The following SBDS variants were observed in gnomAD, a reference collection of about 807,000 sequenced individuals.
SBDS encodes ribosome maturation protein SBDS.
A neutral mutation model predicts 26.4 loss-of-function variants in SBDS; 20 were observed. The observed-to-expected ratio is 0.76, with a 90% CI of 0.53 to 1.10. The LOEUF (loss-of-function observed/expected upper bound fraction) is 1.10, where lower values mean the gene tolerates loss of function less well. Ranked by LOEUF, SBDS falls within the 50% of genes least tolerant of loss-of-function variation. The probability of loss-of-function intolerance (pLI) is 0.00; values close to 1 mark genes in which losing one functional copy is unlikely to be tolerated. For missense variants in SBDS, 241 were observed against 302.0 expected (o/e 0.80, Z 1.50); for synonymous variants, 95 against 105.1 (o/e 0.90, Z 0.59).
chr7:66,990,472 T>C (rs1792951890), intron 4 of SBDS, among the ~76,000 whole-genome samples: 1 of 152,224 alleles, frequency 6.6e-6, no homozygotes, highest in Non-Finnish European at 1.5e-5. Context: ...AAGCATGCAA[T>C]TGAGCTATCT....
intron 1 of SBDS, 110 bp from the exon 2 acceptor site, chr7:66,994,451 C>A (rs1306897167): frequency 1.3e-5 from 13 of 979,424 alleles, no homozygotes; most frequent in African/African-American, 4.8e-5. Context: ...ACAACAAATC[C>A]CCCTGATGAC....
chr7:66,987,732 C>T lies in SBDS; in HGVS notation c.*639G>A, dbSNP rs1441885887. On this transcript the variant is annotated 3_prime_UTR_variant, in exon 5 of 5. Coordinates refer to ENST00000246868, the MANE Select transcript of SBDS (RefSeq NM_016038.4). ...AACATAAGAGTGGTTTTATTGATTA[C>T]ATACAATTTTAGCTATATTAATATA... is the stretch of plus-strand genomic sequence containing the variant. 1 of 170,168 alleles carries T rather than the reference C, an allele frequency of 5.9e-6. No individual in the cohort carries two copies. The highest frequency in any genetic ancestry group is 1.3e-5 in the Non-Finnish European group (1 of 78,466). The allele number at this position is 170,168 out of a possible 1,614,324, so 10.5% of individuals were successfully genotyped here. A position where few individuals can be genotyped will look rare whatever the true frequency, so the allele number is the denominator to read the frequency against.
In SBDS at chr7:66,994,310, G is replaced by A. The variant is rs140297326; in HGVS notation, c.160C>T (p.His54Tyr). Residue 54 changes from histidine (H) to tyrosine (Y), a missense_variant, in exon 2 of 5, where the codon CAC becomes TAC. By Grantham distance (83) the His-to-Tyr change is moderately conservative. Transcript: ENST00000246868. ...TTAGAAACATTTACAAACACTGAGT[G>A]GGTCTGCAGAACTTCATCGAGGTCT... ...EKDLDEVLQT[H>Y]SVFVNVSKGQ... is the part of the protein sequence containing the mutation. 8 of 1,613,782 alleles carry A rather than the reference G, an allele frequency of 5.0e-6. No homozygotes were observed. Among genetic ancestry groups the A allele is most frequent in the Non-Finnish European group, 5.9e-6 (7 of 1,179,854 alleles).
At chr7:66,993,887 A>G (rs1450562846) in intron 2 of SBDS, among the ~76,000 whole-genome samples, 3 of 150,042 alleles carry the variant, frequency 2.0e-5, no homozygotes, top group Non-Finnish European at 3.0e-5. Context: ...CCCCCACCCA[A>G]AAAAAAAAGG....
Position 66,995,404 on chromosome 7 carries a change from G to T in SBDS, c.14C>A (p.Thr5Asn). Residue 5 changes from threonine (T) to asparagine (N), a missense_variant, in exon 1 of 5, where the codon ACC (threonine) becomes AAC (asparagine). Physicochemically the swap from Thr to Asn is moderately conservative, Grantham distance 65. Transcript: ENST00000246868. MSIF[T>N]PTNQIRLTNV... ...GGTTAGGCGGATCTGGTTGGTGGGGGTGAAGATCGACATCGCGGCTGTTCA... is the reference window on the plus strand; with the variant it reads ...GGTTAGGCGGATCTGGTTGGTGGGGTTGAAGATCGACATCGCGGCTGTTCA... 1 of 1,613,902 alleles carries T rather than the reference G, an allele frequency of 6.2e-7. No homozygotes were observed. Among genetic ancestry groups the T allele is most frequent in the African/African-American group, 1.3e-5 (1 of 75,062 alleles).
rs1793087686 is a variant in SBDS at position 66,995,404 on chromosome 7, G to A, written c.14C>T (p.Thr5Ile). Residue 5 changes from threonine (T) to isoleucine (I), a missense_variant, in exon 1 of 5, where the codon ACC becomes ATC. By Grantham distance (89) the Thr-to-Ile change is moderately conservative. Transcript: ENST00000246868. Reference protein sequence around the residue: MSIFTPTNQIRLTNV... With the variant: MSIFIPTNQIRLTNV... ...GGTTAGGCGGATCTGGTTGGTGGGG[G>A]TGAAGATCGACATCGCGGCTGTTCA... 13 of 1,613,902 alleles carry A rather than the reference G, an allele frequency of 8.1e-6. No homozygotes were observed. Among genetic ancestry groups the A allele is most frequent in the Non-Finnish European group, 1.1e-5 (13 of 1,180,006 alleles).
In SBDS at chr7:66,988,315, G is replaced by C; in HGVS notation, c.*56C>G. 1 of 1,592,002 alleles carries C rather than the reference G, an allele frequency of 6.3e-7. No individual in the cohort carries two copies. The highest frequency in any genetic ancestry group is 2.2e-5 in the East Asian group (1 of 44,770). ...TTTGGCAGACCACAGACATGAAACA[G>C]TGCCGTCGGAAACGGAAACACTTTA... On this transcript the variant is annotated 3_prime_UTR_variant, in exon 5 of 5. Coordinates refer to ENST00000246868, the MANE Select transcript of SBDS (RefSeq NM_016038.4).
intron 4 of SBDS, among the ~76,000 whole-genome samples, chr7:66,989,230 T>A (rs1442814566): frequency 7.2e-6 from 1 of 138,336 alleles, no homozygotes; most frequent in East Asian, 3.0e-4. Context: ...TCAACACTTC[T>A]CTACAGCTCA....
At chr7:66,995,159 A>G (rs1793073508) in intron 1 of SBDS, 131 bp downstream of exon 1, 16 of 1,300,852 alleles carry the variant, frequency 1.2e-5, no homozygotes, top group Non-Finnish European at 1.8e-5. Context: ...TCATGCTCAC[A>G]GCAGGAATGT....
In SBDS at chr7:66,995,220, G is replaced by A. The variant is rs551982113; in HGVS notation, c.128+70C>T. On this transcript the variant is annotated intron_variant, in intron 1 of 4. Transcript: ENST00000246868. ...CAGCCTGGCCCATTCACTCGACTTGGGCAGAGACAGGCCGCCTCGGAGGTG... is the reference window on the plus strand; with the variant it reads ...CAGCCTGGCCCATTCACTCGACTTGAGCAGAGACAGGCCGCCTCGGAGGTG... 1.6e-5 allele frequency: 26 copies of A among 1,605,740 alleles called. No homozygotes were observed. The Admixed American group carries it at 4.2e-4, about 26-fold the overall frequency.
intron 1 of SBDS, among the ~76,000 whole-genome samples, chr7:66,994,950 G>A (rs906101575): frequency 5.9e-5 from 9 of 152,172 alleles, no homozygotes; most frequent in Non-Finnish European, 1.0e-4. Context: ...GACACCAGAT[G>A]TACCCACAAC....
chr7:66,992,148 T>G (rs1327876904), intron 3 of SBDS, among the ~76,000 whole-genome samples: 1 of 152,252 alleles, frequency 6.6e-6, no homozygotes, highest in South Asian at 2.1e-4. Context: ...TGTGTTTCTT[T>G]CCGTACAGTG....
At chr7:66,989,829 C>A (rs1194845986) in intron 4 of SBDS, among the ~76,000 whole-genome samples, 1 of 149,646 alleles carries the variant, frequency 6.7e-6, no homozygotes, top group African/African-American at 2.4e-5. Context: ...ACAATTCCAC[C>A]CCTTATCAAC....
At chr7:66,995,113 C>CCCTT in intron 1 of SBDS, 177 bp downstream of exon 1, 1 of 835,844 alleles carries the variant, frequency 1.2e-6, no homozygotes, top group East Asian at 2.7e-5. Flanking sequence ...AAAGAAGAAA[C>CCCTT]CCTTGGCTTA....
intron 2 of SBDS, 40 bp from the exon 3 acceptor site, chr7:66,993,457 C>G (rs1584436928): frequency 1.4e-6 from 2 of 1,464,756 alleles, no homozygotes; most frequent in East Asian, 4.5e-5. Context: ...CACTATCTTT[C>G]TCTATCACAC....
chr7:66,994,068 C>G, intron 2 of SBDS, 144 bp downstream of exon 2: 76 of 523,364 alleles, frequency 1.5e-4, no homozygotes, highest in East Asian at 4.0e-4. Context: ...CCACCAAGTT[C>G]TTTATTATTA....
At chr7:66,988,734 C>T (rs1255200927) in intron 4 of SBDS, among the ~76,000 whole-genome samples, 1 of 152,154 alleles carries the variant, frequency 6.6e-6, no homozygotes, top group Non-Finnish European at 1.5e-5. Context: ...TATGTTTAAA[C>T]ACTTATTCTG....
At chr7:66,993,624 A>T (rs1793021621) in intron 2 of SBDS, among the ~76,000 whole-genome samples, 2 of 152,274 alleles carry the variant, frequency 1.3e-5, no homozygotes, top group Non-Finnish European at 1.5e-5. Flanking sequence ...CTGTAATCCC[A>T]GCACTTTGGG....
rs1254319081 is a variant in SBDS, at chr7:66,993,368, T to C, written c.308A>G (p.Gln103Arg). The C allele has an allele frequency of 6.2e-7, 1 of 1,614,044 alleles. No individual in the cohort carries two copies. Among genetic ancestry groups the C allele is most frequent in the Non-Finnish European group, 8.5e-7 (1 of 1,180,016 alleles). Residue 103 changes from glutamine to arginine, a missense_variant, in exon 3 of 5, where the codon CAA becomes CGA. Transcript: ENST00000246868. ...AATGTCCCTAAACATCTGCTCCAGT[T>C]GTGTGTGTCTTTCTTTATCTGATAC... The part of the protein sequence containing the change: ...VQVSDKERHT[Q>R]LEQMFRDIAT...
Sources: allele counts gnomAD v4.1 joint callset (sites outside exome capture counted in the v4.1 genomes callset), GRCh38; gene constraint gnomAD v4.1.1; transcripts MANE v1.5; gene names NCBI Gene and HGNC (gene_info 2026-07-23, HGNC 2026-07-21).